The following CFAP68 variants were observed in gnomAD, a reference collection of about 807,000 sequenced individuals.
CFAP68 encodes the protein cilia- and flagella-associated protein 68.
At chr11:111,881,348 G>GGTA in the CFAP68 span, 82 of 1,471,012 alleles carry the variant, frequency 5.6e-5, no homozygotes, top group Non-Finnish European at 9.0e-6. Context: ...ATGGTATGAG[G>GGTA]GTAGTTACCT....
At chr11:111,885,003 T>C in the CFAP68 span, 6 of 151,618 alleles carry the variant, frequency 4.0e-5, no homozygotes, top group African/African-American at 1.5e-4. Context: ...ATACAAAAAT[T>C]AGCTGGTCTT....
the CFAP68 span, chr11:111,881,048 GA>G: frequency 8.2e-6 from 3 of 365,046 alleles, no homozygotes; most frequent in Non-Finnish European, 1.4e-5. Flanking sequence ...AGCTGACAGT[GA>G]TTTGAATTGA....
chr11:111,883,677 T>A, the CFAP68 span: 1 of 836,642 alleles, frequency 1.2e-6, no homozygotes, highest in African/African-American at 1.7e-5. Context: ...ACTTACTGTC[T>A]ATTCCCTAGA....
chr11:111,883,243 C>G, the CFAP68 span: 3 of 1,474,350 alleles, frequency 2.0e-6, no homozygotes, highest in East Asian at 7.3e-5. Flanking sequence ...TTTTCAGAAC[C>G]TAACTCAGTG....
chr11:111,880,017 TG>T, the CFAP68 span, among the ~76,000 whole-genome samples: 1 of 152,100 alleles, frequency 6.6e-6, no homozygotes, highest in African/African-American at 2.4e-5. Context: ...CAGATGAGAC[TG>T]AAGAGTTAGG....
the CFAP68 span, chr11:111,881,356 C>T: frequency 2.7e-6 from 4 of 1,477,628 alleles, no homozygotes; most frequent in Non-Finnish European, 3.6e-6. Flanking sequence ...AGGGTAGTTA[C>T]CTGGGATGTC....
chr11:111,882,342 G>T, the CFAP68 span: 1 of 1,585,056 alleles, frequency 6.3e-7, no homozygotes. Flanking sequence ...TATGCAATAA[G>T]CTTTTCTATT....
At chr11:111,885,571 G>A in the CFAP68 span, 1 of 152,134 alleles carries the variant, frequency 6.6e-6, no homozygotes, top group East Asian at 1.9e-4. Flanking sequence ...TCAAAATAGG[G>A]AACTAGTAGA....
At chr11:111,879,725 A>T in the CFAP68 span, 1 of 1,112,838 alleles carries the variant, frequency 9.0e-7, no homozygotes, top group Non-Finnish European at 1.4e-6. Context: ...TATGATTTCA[A>T]TGAGCCTGCA....
At chr11:111,881,110 A>G in the CFAP68 span, 22 of 873,454 alleles carry the variant, frequency 2.5e-5, no homozygotes, top group South Asian at 4.7e-4. Context: ...AATCAACAAG[A>G]CTTAGTGACT....
the CFAP68 span, among the ~76,000 whole-genome samples, chr11:111,880,530 T>A: frequency 6.6e-6 from 1 of 152,158 alleles, no homozygotes; most frequent in Non-Finnish European, 1.5e-5. Context: ...TCCTCATTGC[T>A]ACACTCCCAC....
the CFAP68 span, chr11:111,883,010 C>G: frequency 1.3e-6 from 1 of 779,500 alleles, no homozygotes; most frequent in South Asian, 1.5e-5. Context: ...AGGATATAGA[C>G]TAACACCATA....
At chr11:111,883,853 T>C in the CFAP68 span, 2 of 1,609,300 alleles carry the variant, frequency 1.2e-6, no homozygotes, top group African/African-American at 2.7e-5. Context: ...AAAAGTCAAC[T>C]TACATGAATA....
At chr11:111,883,864 GC>G in the CFAP68 span, 1 of 1,601,090 alleles carries the variant, frequency 6.2e-7, no homozygotes, top group South Asian at 1.1e-5. Context: ...TACATGAATA[GC>G]TATTCAAAGC....
At chr11:111,882,554 T>G in the CFAP68 span, 1 of 1,613,304 alleles carries the variant, frequency 6.2e-7, no homozygotes, top group Non-Finnish European at 8.5e-7. Flanking sequence ...CCAGGAAAGA[T>G]ATGACCTGAG....
the CFAP68 span, chr11:111,883,198 A>G: frequency 6.4e-7 from 1 of 1,570,402 alleles, no homozygotes; most frequent in South Asian, 1.2e-5. Flanking sequence ...CACTTTCAAC[A>G]CATAGTACGT....
chr11:111,882,490 A>T, the CFAP68 span: 1 of 1,614,182 alleles, frequency 6.2e-7, no homozygotes, highest in Non-Finnish European at 8.5e-7. Flanking sequence ...ATGGATGGCG[A>T]TGCACCACTA....
At chr11:111,882,724 G>A in the CFAP68 span, 1 of 906,280 alleles carries the variant, frequency 1.1e-6, no homozygotes, top group African/African-American at 1.7e-5. Flanking sequence ...CAGTGAAGTG[G>A]TTGGGGCAGA....
the CFAP68 span, chr11:111,882,541 G>C: frequency 6.2e-7 from 1 of 1,613,806 alleles, no homozygotes; most frequent in Non-Finnish European, 8.5e-7. Context: ...TGGGCAACTG[G>C]AACCAGGAAA....
Sources: allele counts gnomAD v4.1 joint callset (sites outside exome capture counted in the v4.1 genomes callset), GRCh38; gene constraint gnomAD v4.1.1; transcripts MANE v1.5; gene names NCBI Gene and HGNC (gene_info 2026-07-23, HGNC 2026-07-21).